The following SIRPB2 variants were observed in gnomAD, a reference collection of about 807,000 sequenced individuals.
The protein encoded by SIRPB2 is signal-regulatory protein beta-2.
SIRPB2 carries 18 observed loss-of-function variants against 27.1 expected under a neutral mutation model. The observed-to-expected ratio is 0.66, with a 90% CI of 0.46 to 0.98. The LOEUF (loss-of-function observed/expected upper bound fraction) is 0.98. SIRPB2 is among the 50% of genes least tolerant of loss of function. The pLI, the probability that SIRPB2 is intolerant of heterozygous loss-of-function variation, is 0.00. For synonymous variants in SIRPB2, 150 were observed against 164.6 expected (o/e 0.91, Z 0.68); for missense variants, 420 against 417.4 (o/e 1.01, Z -0.06).
At chr20:1,477,044 A>G (rs2090612307) in intron 4 of SIRPB2, 3 of 1,362,210 alleles carry the variant, frequency 2.2e-6, no homozygotes, top group Admixed American at 2.6e-5. Context: ...GTCGCTGTGC[A>G]TAGCCTCACA....
At chr20:1,479,404 C>T (rs781696956) in intron 2 of SIRPB2, 44 of 423,634 alleles carry the variant, frequency 1.0e-4, no homozygotes, top group Non-Finnish European at 1.7e-4. Flanking sequence ...TGTTAGCAGA[C>T]ATAATGTGAG....
chr20:1,473,859 A>C (rs1158639285), downstream of SIRPB2: 2 of 456,200 alleles, frequency 4.4e-6, no homozygotes, highest in Non-Finnish European at 8.8e-6. Context: ...GCTGTAACAG[A>C]TCACTGCAAA....
rs757795910 is a variant in SIRPB2, at chr20:1,478,560, A to G, written c.499T>C (p.Leu167=). ...PDLWIIQPQE[L]VLGTTGDTVF... The stretch of plus-strand genomic sequence containing the variant: ...GTGTCTCCAGTGGTCCCCAACACCA[A>G]TTCCTGGGGCTGGATGATCCACAGG... The change falls in exon 3 of 5, where the codon TTG becomes CTG. Residue 167 remains leucine (L), a synonymous_variant. Transcript: ENST00000359801. 8.1e-6 allele frequency: 13 copies of G among 1,608,038 alleles called. No individual in the cohort carries two copies. Among genetic ancestry groups the G allele is most frequent in the African/African-American group, 5.4e-5 (4 of 74,726 alleles).
chr20:1,476,205 C>T lies in SIRPB2; in HGVS notation c.991G>A (p.Ala331Thr), dbSNP rs1890044517. 1 of 1,614,002 alleles carries T rather than the reference C, an allele frequency of 6.2e-7. No individual in the cohort carries two copies. The highest frequency in any genetic ancestry group is 1.7e-5 in the Admixed American group (1 of 59,994). The change falls in exon 5 of 5, where the codon GCC becomes ACC. Residue 331 changes from alanine to threonine, a missense_variant. Physicochemically the swap from Ala to Thr is moderately conservative, Grantham distance 58. Transcript: ENST00000359801. ...EDVKTTGPAG[A>T]MNTLAWSKGQ... is the part of the protein sequence containing the mutation. ...TTGCTCCATGCTAAGGTGTTCATGG[C>T]TCCTGCTGGGCCTGTGGTCTTGACA...
In SIRPB2 at chr20:1,477,049, C is replaced by T. The variant is rs533910002; in HGVS notation, c.859+289G>A. ...GTTCTCCAGTGTCGCTGTGCATAGC[C>T]TCACAGTGTGTCCCTACACTCAGAA... is the stretch of plus-strand genomic sequence containing the variant. On this transcript the variant is annotated intron_variant, in intron 4 of 4. Coordinates refer to ENST00000359801, the MANE Select transcript of SIRPB2 (RefSeq NM_001122962.2). The T allele has an allele frequency of 2.0e-5, 27 of 1,381,598 alleles. No homozygotes were observed. In the African/African-American group the frequency reaches 2.6e-4, roughly 13 times the overall value. The allele number at this position is 1,381,598 out of a possible 1,614,324, so 85.6% of individuals were successfully genotyped here. A position where few individuals can be genotyped will look rare whatever the true frequency, so the allele number is the denominator to read the frequency against.
At chr20:1,480,605 G>A (rs1291828007) in intron 1 of SIRPB2, among the ~76,000 whole-genome samples, 2 of 152,162 alleles carry the variant, frequency 1.3e-5, no homozygotes, top group African/African-American at 2.4e-5. Flanking sequence ...TTAAACATAC[G>A]CATGCAGGGG....
At position 1,491,321 on chromosome 20, in the gene SIRPB2, G is replaced by A. The variant is rs2090774944; in HGVS notation, c.39C>T (p.His13=). 6.2e-7 allele frequency: 1 copy of A among 1,611,602 alleles called. No individual in the cohort carries two copies. The highest frequency in any genetic ancestry group is 8.5e-7 in the Non-Finnish European group (1 of 1,179,142). The part of the protein sequence containing the change: ...STMSAPTCLA[H]LPPCFLLLAL... ...CCAGCAGCAGGAAGCAGGGAGGCAA[G>A]TGGGCCAGGCAGGTGGGGGCCGACA... The change falls in exon 1 of 5, where the codon CAC becomes CAT. Residue 13 remains histidine, a synonymous_variant. Transcript: ENST00000359801.
In SIRPB2 at chr20:1,475,023, GCA is replaced by G. The variant is rs1397072370; in HGVS notation, c.*1142_*1143del. ...GCAGGTGTGTCTGACTCCTGGGCAT[GCA>G]CACTCTTCCCCATGTCAGGGCTTCT... On this transcript the variant is annotated 3_prime_UTR_variant, in exon 5 of 5. Transcript: ENST00000359801. 6.6e-6 allele frequency: 1 copy of G among 152,194 alleles called. No individual in the cohort carries two copies. Among genetic ancestry groups the G allele is most frequent in the African/African-American group, 2.4e-5 (1 of 41,404 alleles). 9.4% of individuals were successfully genotyped at this position (152,194 alleles called of 1,614,324 possible).
At chr20:1,483,577 C>T (rs181894839) in intron 1 of SIRPB2, among the ~76,000 whole-genome samples, 512 of 152,192 alleles carry the variant, frequency 3.4e-3, no homozygotes, top group Middle Eastern at 6.8e-3. Flanking sequence ...TTCCTTTGCT[C>T]ATTTTTAATT....
At chr20:1,473,950 C>T, downstream of SIRPB2, 1 of 446,740 alleles carries the variant, frequency 2.2e-6, no homozygotes. Flanking sequence ...TTGGCAGGGC[C>T]ACACTTCCTC....
At chr20:1,482,637 G>A (rs567703642) in intron 1 of SIRPB2, among the ~76,000 whole-genome samples, 3 of 128,108 alleles carry the variant, frequency 2.3e-5, no homozygotes, top group African/African-American at 8.7e-5. Flanking sequence ...GCACTATCTC[G>A]GCTCACTGCA....
rs1425511847 is a variant in SIRPB2 at position 1,475,367 on chromosome 20, T to A, written c.*800A>T. 4 of 152,226 alleles carry A rather than the reference T, an allele frequency of 2.6e-5. No homozygotes were observed. The highest frequency in any genetic ancestry group is 4.4e-5 in the Non-Finnish European group (3 of 68,046). The allele number at this position is 152,226 out of a possible 1,614,324, so 9.4% of individuals were successfully genotyped here. Reference sequence around the variant, plus strand: ...GCGCATTGCTGCCAGAAATAAAGACTACATCTCCCAGTGTTTCTTGCAGCT... The same window carrying A: ...GCGCATTGCTGCCAGAAATAAAGACAACATCTCCCAGTGTTTCTTGCAGCT... On this transcript the variant is annotated 3_prime_UTR_variant, in exon 5 of 5. Coordinates refer to ENST00000359801, the MANE Select transcript of SIRPB2 (RefSeq NM_001122962.2).
Position 1,478,339 on chromosome 20 carries a change from A to G in SIRPB2, c.720T>C (p.Tyr240=). The G allele has an allele frequency of 6.2e-7, 1 of 1,614,216 alleles. No individual in the cohort carries two copies. The change falls in exon 3 of 5, where the codon TAT becomes TAC. Residue 240 remains tyrosine (Y), a synonymous_variant. Transcript: ENST00000359801. ...QNVSSEDAGT[Y]YCVKFQRKPN... ...GTTTCCTCTGAAACTTTACACAGTA[A>G]TAGGTGCCTGCATCCTCACTGGAGA... is the stretch of plus-strand genomic sequence containing the variant.
At chr20:1,484,376 A>G (rs1249172754) in intron 1 of SIRPB2, among the ~76,000 whole-genome samples, 1 of 152,244 alleles carries the variant, frequency 6.6e-6, no homozygotes, top group East Asian at 1.9e-4. Context: ...AAGCTTCTTC[A>G]TAACAAAAGC....
In SIRPB2 at chr20:1,479,857, C is replaced by A. The variant is rs2090649973; in HGVS notation, c.294G>T (p.Met98Ile). The A allele has an allele frequency of 1.2e-6, 2 of 1,614,242 alleles. No individual in the cohort carries two copies. The highest frequency in any genetic ancestry group is 2.2e-5 in the East Asian group (1 of 44,878). ...KRGSFPGVMP[M>I]IQRTSEPLNC... ...TCAGTGGTTCTGATGTCCGTTGGAT[C>A]ATGGGCATTACCCCAGGGAAGGAGC... The change falls in exon 2 of 5, where the codon ATG becomes ATT. Residue 98 changes from methionine (M) to isoleucine (I), a missense_variant. Transcript: ENST00000359801.
intron 4 of SIRPB2, chr20:1,476,918 T>C: frequency 8.5e-7 from 1 of 1,171,872 alleles, no homozygotes; most frequent in South Asian, 1.7e-5. Flanking sequence ...CTGATTCTTG[T>C]CCCCTCCCCG....
At position 1,478,398 on chromosome 20, in the gene SIRPB2, A is replaced by G. The variant is rs1232165557; in HGVS notation, c.661T>C (p.Ser221Pro). ...AGAAGAATGCTGAAGTCATTGTTGG[A>G]GGCCTGCACCGCTGTCTCCTTGGGG... ...SHPKETAVQA[S>P]NNDFSILLQN... Residue 221 changes from serine (S) to proline (P), a missense_variant, in exon 3 of 5, where the codon TCC (serine) becomes CCC (proline). Transcript: ENST00000359801. 6.2e-7 allele frequency: 1 copy of G among 1,614,176 alleles called. No individual in the cohort carries two copies. The highest frequency in any genetic ancestry group is 1.7e-5 in the Admixed American group (1 of 60,034).
At chr20:1,472,605 C>T (rs2122996238), downstream of SIRPB2, 1 of 152,134 alleles carries the variant, frequency 6.6e-6, no homozygotes, top group East Asian at 1.9e-4. Flanking sequence ...TTCTTATGTG[C>T]CAGGTGCTGC....
Position 1,475,780 on chromosome 20 carries a change from T to TAAAGA in SIRPB2, c.*386_*387insTCTTT. The TAAAGA allele has an allele frequency of 7.7e-6, 1 of 129,040 alleles. No individual in the cohort carries two copies. 8.0% of individuals were successfully genotyped at this position (129,040 alleles called of 1,614,324 possible). ...GGAGGGGCACAGATGGTCTGGCTGGTTGAGTTCAGAGATTCTTACAGACAT... is the reference window on the plus strand; with the variant it reads ...GGAGGGGCACAGATGGTCTGGCTGGTAAAGATGAGTTCAGAGATTCTTACAGACAT... On this transcript the variant is annotated 3_prime_UTR_variant, in exon 5 of 5. Transcript: ENST00000359801.
Sources: allele counts gnomAD v4.1 joint callset (sites outside exome capture counted in the v4.1 genomes callset), GRCh38; gene constraint gnomAD v4.1.1; transcripts MANE v1.5; gene names NCBI Gene and HGNC (gene_info 2026-07-23, HGNC 2026-07-21).